MARCHF1: variants seen among roughly 807,000 people sequenced by gnomAD.
MARCHF1 encodes the protein membrane associated ring-CH-type finger 1.
MARCHF1 carries 40 observed loss-of-function variants against 54.2 expected under a neutral mutation model. The ratio of observed to expected loss-of-function variants is 0.74; its 90% CI spans 0.57 to 0.96. The LOEUF is 0.96. MARCHF1 is among the 40% of genes least tolerant of loss of function. The probability of loss-of-function intolerance (pLI) is 0.00; values close to 1 mark genes in which losing one functional copy is unlikely to be tolerated. For missense variants in MARCHF1, 586 were observed against 656.5 expected (o/e 0.89, Z 1.17); for synonymous variants, 236 against 236.3 (o/e 1.00, Z 0.01).
intron 3 of MARCHF1, among the ~76,000 whole-genome samples, chr4:163,929,954 ATT>A (rs1560823698): frequency 2.0e-5 from 2 of 100,016 alleles, no homozygotes; most frequent in African/African-American, 9.8e-5. Context: ...TATTATATAT[ATT>A]ATATATAATA....
chr4:164,245,143 G>A (rs539927982), intron 1 of MARCHF1, among the ~76,000 whole-genome samples: 5 of 152,284 alleles, frequency 3.3e-5, no homozygotes, highest in Non-Finnish European at 5.9e-5. Flanking sequence ...AAGCCAGGCA[G>A]AGACACAACA....
rs1553969354 is a variant in MARCHF1, at chr4:164,007,630, T to TTA, written c.-247-18922_-247-18921insTA. The stretch of plus-strand genomic sequence containing the variant: ...TATAAAGTTAACATGTAGAATTTAT[T>TTA]TCTCTCTCTCTCTCTCTGTGTGTGT... On this transcript the variant is annotated intron_variant, in intron 2 of 9. Transcript: ENST00000514618. Among the ~76,000 whole-genome samples the TTA allele has an allele frequency of 7.4e-3, 1,037 of 139,450 alleles. 10 individuals carry two copies. Among genetic ancestry groups the TTA allele is most frequent in the East Asian group, 0.017 (76 of 4,466 alleles). The allele number at this position is 139,450 out of a possible 152,430, so 91.5% of individuals were successfully genotyped here.
chr4:164,180,439 T>A (rs1730803667), intron 1 of MARCHF1, among the ~76,000 whole-genome samples: 1 of 152,188 alleles, frequency 6.6e-6, no homozygotes, highest in Non-Finnish European at 1.5e-5. Flanking sequence ...GTCCATTTAA[T>A]GTTCATCTAA....
At chr4:164,290,075 C>T (rs576785522) in intron 1 of MARCHF1, among the ~76,000 whole-genome samples, 42 of 151,740 alleles carry the variant, frequency 2.8e-4, no homozygotes, top group Non-Finnish European at 4.4e-4. Flanking sequence ...TGTGCCCTGA[C>T]GCATCTCATA....
At chr4:164,251,878 AT>A (rs1376167467) in intron 1 of MARCHF1, among the ~76,000 whole-genome samples, 2 of 152,198 alleles carry the variant, frequency 1.3e-5, no homozygotes, top group Non-Finnish European at 2.9e-5. Context: ...AGTGCAAAAA[AT>A]AATTAAGTAA....
At chr4:163,753,885 T>C (rs1046678247) in intron 4 of MARCHF1, among the ~76,000 whole-genome samples, 2 of 152,072 alleles carry the variant, frequency 1.3e-5, no homozygotes, top group African/African-American at 4.8e-5. Context: ...TGAACAGCAA[T>C]AGCGGCAGAA....
intron 5 of MARCHF1, among the ~76,000 whole-genome samples, chr4:163,633,187 G>A (rs1300505872): frequency 7.2e-5 from 11 of 152,300 alleles, no homozygotes; most frequent in Non-Finnish European, 1.0e-4. Flanking sequence ...AAATCAGAGC[G>A]CCTCTCCTCC....
chr4:163,673,017 T>C (rs1276742551), intron 5 of MARCHF1, among the ~76,000 whole-genome samples: 1 of 152,170 alleles, frequency 6.6e-6, no homozygotes, highest in African/African-American at 2.4e-5. Context: ...AATCTTCTCA[T>C]CTCAAGATTC....
At chr4:164,199,537 G>T (rs1731378253) in intron 1 of MARCHF1, among the ~76,000 whole-genome samples, 1 of 151,762 alleles carries the variant, frequency 6.6e-6, no homozygotes. Context: ...CAGCTACTCG[G>T]GAGGCTGAGG....
At chr4:163,931,065 TAAG>T (rs1352024881) in intron 3 of MARCHF1, among the ~76,000 whole-genome samples, 9 of 152,096 alleles carry the variant, frequency 5.9e-5, no homozygotes, top group Admixed American at 4.6e-4. Flanking sequence ...GCTGGCTTTC[TAAG>T]AAGAAGAAAA....
intron 1 of MARCHF1, among the ~76,000 whole-genome samples, chr4:164,195,372 C>T (rs891526419): frequency 8.6e-5 from 13 of 151,980 alleles, no homozygotes; most frequent in Non-Finnish European, 1.3e-4. Flanking sequence ...TTACTTTTTA[C>T]GTTAATGGGA....
intron 1 of MARCHF1, among the ~76,000 whole-genome samples, chr4:164,140,355 A>C (rs761877118): frequency 6.6e-6 from 1 of 152,086 alleles, no homozygotes; most frequent in Non-Finnish European, 1.5e-5. Flanking sequence ...TGAGAAATTT[A>C]CATTTGTCTT....
intron 6 of MARCHF1, 79 bp downstream of exon 6, chr4:163,613,235 A>C: frequency 6.9e-7 from 1 of 1,446,440 alleles, no homozygotes; most frequent in South Asian, 1.4e-5. Flanking sequence ...AGCAAGAGAC[A>C]CACATTCTCA....
chr4:163,711,891 A>C (rs890706182), intron 4 of MARCHF1, among the ~76,000 whole-genome samples: 2 of 152,194 alleles, frequency 1.3e-5, no homozygotes, highest in African/African-American at 4.8e-5. Context: ...CCGATGGATA[A>C]AAGTCATCTT....
intron 5 of MARCHF1, among the ~76,000 whole-genome samples, chr4:163,619,160 G>A (rs941562117): frequency 3.3e-5 from 5 of 152,196 alleles, no homozygotes; most frequent in Admixed American, 6.5e-5. Flanking sequence ...TTACATTGAC[G>A]TGTTGGATTG....
chr4:164,076,007 T>A (rs1754970068), intron 2 of MARCHF1, among the ~76,000 whole-genome samples: 1 of 152,154 alleles, frequency 6.6e-6, no homozygotes, highest in South Asian at 2.1e-4. Flanking sequence ...TGAATGCAGT[T>A]AAAAATGTTT....
intron 1 of MARCHF1, among the ~76,000 whole-genome samples, chr4:164,369,106 C>A (rs1040325151): frequency 6.6e-6 from 1 of 151,912 alleles, no homozygotes; most frequent in Non-Finnish European, 1.5e-5. Flanking sequence ...TGGGCTGCTC[C>A]GGGGATGAGG....
At chr4:164,099,222 GT>G (rs1258847371) in intron 2 of MARCHF1, among the ~76,000 whole-genome samples, 1 of 152,168 alleles carries the variant, frequency 6.6e-6, no homozygotes, top group Non-Finnish European at 1.5e-5. Context: ...ATCAGGAAAA[GT>G]CAGAATATTT....
intron 5 of MARCHF1, among the ~76,000 whole-genome samples, chr4:163,655,686 C>T (rs1743113608): frequency 6.6e-6 from 1 of 151,820 alleles, no homozygotes; most frequent in African/African-American, 2.4e-5. Flanking sequence ...TGCAGAAGAA[C>T]TGAAATCATA....
Sources: allele counts gnomAD v4.1 joint callset (sites outside exome capture counted in the v4.1 genomes callset), GRCh38; gene constraint gnomAD v4.1.1; transcripts MANE v1.5; gene names NCBI Gene and HGNC (gene_info 2026-07-23, HGNC 2026-07-21).